The following PAK1 variants were observed in gnomAD, a reference collection of about 807,000 sequenced individuals.
PAK1 encodes p21 (RAC1) activated kinase 1, also known as serine/threonine-protein kinase PAK 1.
A neutral mutation model predicts 67.4 loss-of-function variants in PAK1; 29 were observed. The observed-to-expected ratio is 0.43, with a 90% CI of 0.32 to 0.59. PAK1 has a LOEUF of 0.59. Among genes scored for constraint, PAK1 ranks in the 20% least tolerant of loss-of-function variants. The pLI is 0.07. For synonymous variants in PAK1, 223 were observed against 237.4 expected (o/e 0.94, Z 0.56); for missense variants, 337 against 670.7 (o/e 0.50, Z 5.50).
At chr11:77,371,671 T>C (rs1322463812) in intron 5 of PAK1, among the ~76,000 whole-genome samples, 1 of 152,224 alleles carries the variant, frequency 6.6e-6, no homozygotes, top group African/African-American at 2.4e-5. Flanking sequence ...AATGACATGC[T>C]ACCATAATAC....
chr11:77,466,856 G>C (rs760229279), intron 1 of PAK1, among the ~76,000 whole-genome samples: 1 of 152,126 alleles, frequency 6.6e-6, no homozygotes, highest in Non-Finnish European at 1.5e-5. Flanking sequence ...TATAGCCTCA[G>C]CAAGTCAATT....
chr11:77,420,037 T>A (rs1955176226), intron 1 of PAK1, among the ~76,000 whole-genome samples: 1 of 152,208 alleles, frequency 6.6e-6, no homozygotes, highest in Non-Finnish European at 1.5e-5. Flanking sequence ...CAACCAGTCA[T>A]AAGTCAAAGT....
At chr11:77,479,171 T>C (rs1277432096), upstream of PAK1, among the ~76,000 whole-genome samples, 1 of 151,914 alleles carries the variant, frequency 6.6e-6, no homozygotes, top group Non-Finnish European at 1.5e-5. Flanking sequence ...CTACTTTTGC[T>C]CTCTTTCTGG....
At position 77,353,519 on chromosome 11, in the gene PAK1, A is replaced by C. The variant is rs1373370400; in HGVS notation, c.836+17T>G. On this transcript the variant is annotated intron_variant, in intron 8 of 14. Transcript: ENST00000356341. ...TTTAAAGTCATTTCTCCAGGGAAAGAAAATGCCCCTACTAACCCTTGTCCA... is the reference window on the plus strand; with the variant it reads ...TTTAAAGTCATTTCTCCAGGGAAAGCAAATGCCCCTACTAACCCTTGTCCA... 1 of 1,585,054 alleles carries C rather than the reference A, an allele frequency of 6.3e-7. No individual in the cohort carries two copies. Among genetic ancestry groups the C allele is most frequent in the Non-Finnish European group, 8.7e-7 (1 of 1,154,052 alleles).
the PAK1 span, among the ~76,000 whole-genome samples, chr11:77,523,710 A>G: frequency 6.6e-6 from 1 of 152,004 alleles, no homozygotes; most frequent in Non-Finnish European, 1.5e-5. Context: ...AAGCCACCAC[A>G]CCCGGCCTCT....
intron 4 of PAK1, among the ~76,000 whole-genome samples, chr11:77,378,855 T>C (rs1949447548): frequency 6.6e-6 from 1 of 152,216 alleles, no homozygotes; most frequent in South Asian, 2.1e-4. Context: ...CCCAAAGTGT[T>C]GGGATTACAG....
intron 7 of PAK1, among the ~76,000 whole-genome samples, chr11:77,353,935 C>G (rs1233638088): frequency 6.6e-6 from 1 of 152,006 alleles, no homozygotes; most frequent in Non-Finnish European, 1.5e-5. Flanking sequence ...CAAGGCAGTC[C>G]CTGCTCTCAA....
At chr11:77,371,794 A>G (rs750058176) in intron 5 of PAK1, among the ~76,000 whole-genome samples, 2 of 152,246 alleles carry the variant, frequency 1.3e-5, no homozygotes, top group Admixed American at 6.5e-5. Flanking sequence ...AGTGGTTTTA[A>G]TTGTAGATAC....
chr11:77,371,051 T>A (rs1322834193), intron 5 of PAK1, among the ~76,000 whole-genome samples: 4 of 152,208 alleles, frequency 2.6e-5, no homozygotes, highest in African/African-American at 9.7e-5. Flanking sequence ...TTCTGATTCA[T>A]CACAAAAATT....
chr11:77,377,866 C>A (rs1020264597), intron 4 of PAK1, among the ~76,000 whole-genome samples: 1 of 152,110 alleles, frequency 6.6e-6, no homozygotes. Flanking sequence ...CCCTCCAGCC[C>A]AATTCCTCCT....
At chr11:77,338,189 G>A (rs1375446250) in intron 11 of PAK1, among the ~76,000 whole-genome samples, 4 of 152,140 alleles carry the variant, frequency 2.6e-5, no homozygotes, top group South Asian at 4.1e-4. Context: ...GGAATCAGAT[G>A]AGATCATCTC....
At chr11:77,351,035 T>C (rs532144828) in intron 8 of PAK1, among the ~76,000 whole-genome samples, 2 of 152,256 alleles carry the variant, frequency 1.3e-5, no homozygotes, top group South Asian at 2.1e-4. Context: ...CTAACTTGAA[T>C]AGACATATAA....
intron 5 of PAK1, among the ~76,000 whole-genome samples, chr11:77,365,200 T>C: frequency 7.3e-6 from 1 of 137,108 alleles, no homozygotes; most frequent in South Asian, 2.2e-4. Flanking sequence ...TGCAGTGAGC[T>C]GAGATTGTGC....
intron 1 of PAK1, among the ~76,000 whole-genome samples, chr11:77,451,859 A>C (rs1956872674): frequency 6.6e-6 from 1 of 151,892 alleles, no homozygotes; most frequent in African/African-American, 2.4e-5. Flanking sequence ...TCGGCCTCCC[A>C]AAGTGCTGGG....
the PAK1 span, chr11:77,514,844 G>GCAAGGTATATATTCGCTCCATTT: frequency 6.6e-6 from 1 of 152,000 alleles, no homozygotes; most frequent in Admixed American, 6.6e-5. Flanking sequence ...TAACAATCCT[G>GCAAGGTATATATTCGCTCCATTT]CACAGGTGCA....
intron 1 of PAK1, among the ~76,000 whole-genome samples, chr11:77,394,087 T>C (rs1230341475): frequency 6.6e-6 from 1 of 152,190 alleles, no homozygotes; most frequent in Non-Finnish European, 1.5e-5. Flanking sequence ...TAAACGTCCT[T>C]GACAATGGAT....
chr11:77,385,831 C>T (rs1242279132), intron 2 of PAK1, among the ~76,000 whole-genome samples: 1 of 152,030 alleles, frequency 6.6e-6, no homozygotes, highest in African/African-American at 2.4e-5. Context: ...GCACTCTAGC[C>T]CGGACAACAG....
At chr11:77,338,212 A>G (rs1426937458) in intron 11 of PAK1, among the ~76,000 whole-genome samples, 1 of 152,200 alleles carries the variant, frequency 6.6e-6, no homozygotes, top group Non-Finnish European at 1.5e-5. Context: ...CTTTTCTACT[A>G]AATCAATAAT....
At chr11:77,337,708 T>TG (rs1942940640) in intron 11 of PAK1, among the ~76,000 whole-genome samples, 1 of 152,120 alleles carries the variant, frequency 6.6e-6, no homozygotes, top group Non-Finnish European at 1.5e-5. Context: ...ATTAGATCCT[T>TG]GGTAAAGGAC....
Sources: gnomAD v4.1 joint callset for allele counts (sites outside exome capture counted in the v4.1 genomes callset) on GRCh38, gnomAD v4.1.1 for gene constraint, MANE v1.5 for transcripts, NCBI Gene and HGNC (gene_info 2026-07-23, HGNC 2026-07-21) for gene names.